SMOC2: variants seen among roughly 807,000 people sequenced by gnomAD.
SMOC2 encodes the protein SPARC related modular calcium binding 2.
Under a neutral mutation model 61.4 loss-of-function variants are expected in SMOC2, and 39 were observed. The observed-to-expected ratio is 0.64, with a 90% CI of 0.49 to 0.83. The LOEUF is 0.83. SMOC2 is among the 40% of genes least tolerant of loss of function. The probability of loss-of-function intolerance (pLI) is 0.00; values close to 1 mark genes in which losing one functional copy is unlikely to be tolerated. For missense variants in SMOC2, 556 were observed against 592.9 expected, an observed-to-expected ratio of 0.94 and a Z score of 0.65; for synonymous variants, 247 against 239.9, an observed-to-expected ratio of 1.03 and a Z score of -0.27.
chr6:168,534,661 A>G (rs1327115362), intron 4 of SMOC2, among the ~76,000 whole-genome samples: 1 of 152,264 alleles, frequency 6.6e-6, no homozygotes, highest in Non-Finnish European at 1.5e-5. Context: ...TATTACTTTT[A>G]ACCTCAGGAA....
At chr6:168,465,693 C>A (rs1359983305) in intron 1 of SMOC2, among the ~76,000 whole-genome samples, 6 of 148,734 alleles carry the variant, frequency 4.0e-5, no homozygotes, top group Non-Finnish European at 8.9e-5. Context: ...GCTCTGAGAG[C>A]TGGAACTGGG....
intron 9 of SMOC2, among the ~76,000 whole-genome samples, chr6:168,610,193 C>G (rs1232616776): frequency 1.3e-5 from 2 of 152,192 alleles, no homozygotes; most frequent in African/African-American, 2.4e-5. Flanking sequence ...CCATGCTCCT[C>G]TCTGCTAAAA....
At chr6:168,512,675 C>T (rs1783035998) in intron 2 of SMOC2, among the ~76,000 whole-genome samples, 2 of 152,192 alleles carry the variant, frequency 1.3e-5, no homozygotes, top group African/African-American at 4.8e-5. Flanking sequence ...TGGTCGCTGC[C>T]AGCTTGTGGA....
At chr6:168,455,929 G>A (rs777854990) in intron 1 of SMOC2, among the ~76,000 whole-genome samples, 3 of 152,256 alleles carry the variant, frequency 2.0e-5, no homozygotes, top group Admixed American at 6.5e-5. Context: ...AAACGTCTGG[G>A]CGGAGTCTTC....
At chr6:168,664,010 G>A (rs1787587578) in intron 11 of SMOC2, 64 bp from the exon 12 acceptor site, 4 of 1,394,764 alleles carry the variant, frequency 2.9e-6, no homozygotes, top group Non-Finnish European at 3.0e-6. Flanking sequence ...CTGAAATTGT[G>A]TTGAACCTTT....
At chr6:168,540,720 C>T (rs947489586) in intron 4 of SMOC2, among the ~76,000 whole-genome samples, 4 of 152,168 alleles carry the variant, frequency 2.6e-5, no homozygotes, top group African/African-American at 4.8e-5. Context: ...AGCACAGAGA[C>T]GCCGTCTAGA....
At chr6:168,532,995 T>C (rs997667884) in intron 4 of SMOC2, among the ~76,000 whole-genome samples, 1 of 152,156 alleles carries the variant, frequency 6.6e-6, no homozygotes, top group African/African-American at 2.4e-5. Flanking sequence ...ACAAGCTCTG[T>C]AACATGCAAA....
intron 7 of SMOC2, among the ~76,000 whole-genome samples, chr6:168,570,860 GTTAT>G (rs1245095822): frequency 1.3e-5 from 2 of 152,156 alleles, no homozygotes; most frequent in Admixed American, 6.5e-5. Flanking sequence ...TGATTTCTGT[GTTAT>G]TTATTTGTCT....
chr6:168,516,034 G>A (rs547816422), intron 2 of SMOC2, among the ~76,000 whole-genome samples: 1 of 152,172 alleles, frequency 6.6e-6, no homozygotes, highest in Non-Finnish European at 1.5e-5. Context: ...ATGAGGCTGA[G>A]GCTGTCTTTA....
At chr6:168,463,827 G>A (rs1374715305) in intron 1 of SMOC2, among the ~76,000 whole-genome samples, 3 of 152,140 alleles carry the variant, frequency 2.0e-5, no homozygotes, top group Non-Finnish European at 2.9e-5. Flanking sequence ...TTGCCCTGTA[G>A]AGACGTCGGC....
intron 1 of SMOC2, among the ~76,000 whole-genome samples, chr6:168,469,609 G>A (rs1301143428): frequency 1.3e-5 from 2 of 152,176 alleles, no homozygotes; most frequent in Non-Finnish European, 2.9e-5. Flanking sequence ...AGGCTTGTAC[G>A]GAAAGCCAAA....
intron 1 of SMOC2, 148 bp downstream of exon 1, chr6:168,441,602 CGAGGCTGG>C: frequency 8.4e-7 from 1 of 1,187,896 alleles, no homozygotes; most frequent in Non-Finnish European, 1.1e-6. Context: ...CGCCTGCCGG[CGAGGCTGG>C]AGCAGGTAGG....
intron 1 of SMOC2, among the ~76,000 whole-genome samples, chr6:168,473,590 G>A (rs1199986940): frequency 2.0e-5 from 3 of 152,224 alleles, no homozygotes; most frequent in East Asian, 1.9e-4. Context: ...TTTTGGAAGC[G>A]CATTGAACTC....
Position 168,666,445 on chromosome 6 carries a change from C to A in SMOC2, c.*7C>A. On this transcript the variant is annotated 3_prime_UTR_variant, in exon 13 of 13. Coordinates refer to ENST00000356284, the MANE Select transcript of SMOC2 (RefSeq NM_001166412.2). ...GCCAAGGAAACAAGGATAAATGGCT[C>A]ATACCCCGAAGGCAGTTCCTAGACA... 1 of 1,613,848 alleles carries A rather than the reference C, an allele frequency of 6.2e-7. No homozygotes were observed. Among genetic ancestry groups the A allele is most frequent in the Non-Finnish European group, 8.5e-7 (1 of 1,179,984 alleles).
chr6:168,640,077 G>A (rs900244514), intron 9 of SMOC2, among the ~76,000 whole-genome samples: 5 of 152,318 alleles, frequency 3.3e-5, no homozygotes, highest in Admixed American at 6.5e-5. Flanking sequence ...GCCTCTGGGC[G>A]ACTCACTGCT....
At chr6:168,598,500 G>T (rs1785386634) in intron 7 of SMOC2, among the ~76,000 whole-genome samples, 1 of 152,222 alleles carries the variant, frequency 6.6e-6, no homozygotes, top group Admixed American at 6.5e-5. Context: ...GTGGGCATCA[G>T]ATCTGCTCCT....
intron 1 of SMOC2, among the ~76,000 whole-genome samples, chr6:168,488,970 C>T (rs1401229721): frequency 6.8e-6 from 1 of 147,846 alleles, no homozygotes; most frequent in Non-Finnish European, 1.5e-5. Flanking sequence ...TGAAATATAT[C>T]GAATCGTCTG....
rs575976995 is a variant in SMOC2 at position 168,457,078 on chromosome 6, A to T, written c.84+15624A>T. Among the ~76,000 whole-genome samples, 40 of 152,286 alleles carry T rather than the reference A, an allele frequency of 2.6e-4. 1 individual carries two copies. In the South Asian group the frequency reaches 8.1e-3, roughly 31 times the overall value. ...GCAAACTGTGCACAACCTGGGAGAG[A>T]TGGCAAAGCCCTGTGTCCTCACACT... On this transcript the variant is annotated intron_variant, in intron 1 of 12. Coordinates refer to ENST00000356284, the MANE Select transcript of SMOC2 (RefSeq NM_001166412.2).
chr6:168,626,292 T>C (rs1786407240), intron 9 of SMOC2, among the ~76,000 whole-genome samples: 1 of 152,184 alleles, frequency 6.6e-6, no homozygotes, highest in Non-Finnish European at 1.5e-5. Flanking sequence ...CCACTGTGGC[T>C]TGGGGTGTGA....
Sources: gnomAD v4.1 joint callset for allele counts (sites outside exome capture counted in the v4.1 genomes callset) on GRCh38, gnomAD v4.1.1 for gene constraint, MANE v1.5 for transcripts, NCBI Gene and HGNC (gene_info 2026-07-23, HGNC 2026-07-21) for gene names.